HERC2: variants seen among roughly 807,000 people sequenced by gnomAD.
HERC2 encodes E3 ubiquitin-protein ligase HERC2.
Under a neutral mutation model 537.7 loss-of-function variants are expected in HERC2, and 102 were observed. The ratio of observed to expected loss-of-function variants is 0.19; its 90% confidence interval spans 0.16 to 0.22. The LOEUF (loss-of-function observed/expected upper bound fraction) is 0.22. Among genes scored for constraint, HERC2 ranks in the 10% least tolerant of loss-of-function variants. The pLI is 1.00. For synonymous variants in HERC2, 2,224 were observed against 2,466.2 expected (o/e 0.90, Z 2.91); for missense variants, 4,236 against 6,198.2 (o/e 0.68, Z 10.63).
chr15:28,143,857 C>T lies in HERC2; in HGVS notation c.11418+16G>A, dbSNP rs376644217. 21 of 1,613,852 alleles carry T rather than the reference C, an allele frequency of 1.3e-5. No individual in the cohort carries two copies. The highest frequency in any genetic ancestry group is 1.8e-5 in the Non-Finnish European group (21 of 1,179,972). On this transcript the variant is annotated intron_variant, in intron 74 of 92. Transcript: ENST00000261609. Reference sequence around the variant, plus strand: ...AAGGGTCACAAATCTAGAAATTGTACTAGAATGCTCCATACCAAAGCTCTT... The same window carrying T: ...AAGGGTCACAAATCTAGAAATTGTATTAGAATGCTCCATACCAAAGCTCTT...
At chr15:28,220,399 AC>A (rs1900396072) in intron 37 of HERC2, 52 bp downstream of exon 37, 2 of 1,519,494 alleles carry the variant, frequency 1.3e-6, no homozygotes, top group East Asian at 4.5e-5. Flanking sequence ...GGCAGCCAGC[AC>A]CTGGACAGTT....
intron 53 of HERC2, among the ~76,000 whole-genome samples, chr15:28,191,733 G>A (rs1896871130): frequency 6.6e-6 from 1 of 152,200 alleles, no homozygotes; most frequent in African/African-American, 2.4e-5. Context: ...CCTCTATCAA[G>A]TGGTCAGTTA....
chr15:28,253,704 G>C (rs1474188514), intron 20 of HERC2, among the ~76,000 whole-genome samples: 1 of 152,246 alleles, frequency 6.6e-6, no homozygotes, highest in Non-Finnish European at 1.5e-5. Flanking sequence ...GCTTACGCCT[G>C]AAATCCCAAC....
intron 2 of HERC2, chr15:28,312,619 C>A (rs533834668): frequency 1.3e-5 from 2 of 156,082 alleles, no homozygotes; most frequent in East Asian, 3.7e-4. Context: ...TGACAGAGAC[C>A]CTATTCATAA....
intron 66 of HERC2, among the ~76,000 whole-genome samples, chr15:28,168,996 G>C (rs1238399489): frequency 3.3e-5 from 5 of 152,180 alleles, no homozygotes; most frequent in Non-Finnish European, 5.9e-5. Context: ...CTGAATGACT[G>C]TTTTTGTTCT....
chr15:28,291,811 A>C (rs371837932), intron 4 of HERC2, among the ~76,000 whole-genome samples: 1 of 148,784 alleles, frequency 6.7e-6, no homozygotes, highest in African/African-American at 2.5e-5. Flanking sequence ...AGGCTGAGGC[A>C]GGAGAATGGC....
At chr15:28,274,841 G>T in intron 6 of HERC2, 64 bp downstream of exon 6, 1 of 1,306,280 alleles carries the variant, frequency 7.7e-7, no homozygotes. Flanking sequence ...GCTGAACCGA[G>T]TTCGAAACCC....
intron 10 of HERC2, among the ~76,000 whole-genome samples, chr15:28,270,123 A>T (rs1481668179): frequency 6.6e-6 from 1 of 152,040 alleles, no homozygotes; most frequent in Admixed American, 6.6e-5. Context: ...CACCATGCCC[A>T]GCTAATTTTT....
chr15:28,179,335 A>G, intron 57 of HERC2, 112 bp from the exon 58 acceptor site: 1 of 813,106 alleles, frequency 1.2e-6, no homozygotes, highest in Non-Finnish European at 2.0e-6. Context: ...GCACTGTGTA[A>G]CATTTCACTC....
chr15:28,227,035 G>T (rs1306616040), intron 35 of HERC2, among the ~76,000 whole-genome samples: 1 of 152,234 alleles, frequency 6.6e-6, no homozygotes, highest in Non-Finnish European at 1.5e-5. Flanking sequence ...AGTACTTTGG[G>T]AGGCCAAGGC....
At chr15:28,224,149 C>CACACA (rs1321759830) in intron 35 of HERC2, among the ~76,000 whole-genome samples, 3,861 of 132,998 alleles carry the variant, frequency 0.029, 110 homozygotes, top group Middle Eastern at 0.098. Flanking sequence ...ACACACACAC[C>CACACA]CACACACACA....
chr15:28,166,631 G>C (rs1894164552), intron 68 of HERC2, among the ~76,000 whole-genome samples: 1 of 152,216 alleles, frequency 6.6e-6, no homozygotes, highest in Admixed American at 6.5e-5. Flanking sequence ...AGTTGTGCCA[G>C]AAATGAAGGA....
rs1280493794 is a variant in HERC2 at position 28,144,111 on chromosome 15, G to A, written c.11265C>T (p.Ala3755=). 1.2e-6 allele frequency: 2 copies of A among 1,614,206 alleles called. No homozygotes were observed. Among genetic ancestry groups the A allele is most frequent in the East Asian group, 4.5e-5 (2 of 44,844 alleles). Residue 3755 remains alanine (A), a synonymous_variant, in exon 73 of 93, where the codon GCC becomes GCT. Coordinates refer to ENST00000261609, the MANE Select transcript of HERC2 (RefSeq NM_004667.6). The part of the protein sequence containing the change: ...SNRSIVPRLA[A]SLAACAQLSA... Reference sequence around the variant, plus strand: ...TCAGCTGTGCACAAGCTGCCAGCGAGGCCGCAAGGCGAGGGACGATGCTTC... The same window carrying A: ...TCAGCTGTGCACAAGCTGCCAGCGAAGCCGCAAGGCGAGGGACGATGCTTC...
intron 12 of HERC2, among the ~76,000 whole-genome samples, chr15:28,266,218 A>G (rs1313842525): frequency 6.6e-6 from 1 of 152,128 alleles, no homozygotes; most frequent in Admixed American, 6.6e-5. Context: ...AGTGTTTGTT[A>G]AAGAATTGTA....
chr15:28,131,996 G>C (rs1265234204), intron 81 of HERC2, 104 bp downstream of exon 81: 5 of 969,350 alleles, frequency 5.2e-6, no homozygotes, highest in Non-Finnish European at 7.5e-6. Flanking sequence ...GCACACACGG[G>C]GGACAGTAAT....
intron 5 of HERC2, among the ~76,000 whole-genome samples, chr15:28,279,773 A>G (rs765724390): frequency 1.3e-5 from 2 of 152,132 alleles, no homozygotes; most frequent in Non-Finnish European, 2.9e-5. Context: ...TGATTACACC[A>G]CTGCACCCCA....
At chr15:28,178,852 C>T (rs531311330) in intron 59 of HERC2, 35 bp downstream of exon 59, 11 of 1,588,004 alleles carry the variant, frequency 6.9e-6, no homozygotes, top group Middle Eastern at 1.7e-4. Flanking sequence ...GAGCAAAGGC[C>T]GCCCCGCACA....
chr15:28,145,953 G>A (rs919213662), intron 71 of HERC2, among the ~76,000 whole-genome samples: 1 of 152,116 alleles, frequency 6.6e-6, no homozygotes, highest in Non-Finnish European at 1.5e-5. Flanking sequence ...GACCTTACAC[G>A]AGCTCTGGCA....
rs761983382 is a variant in HERC2, at chr15:28,254,291, A to G, written c.3050+49T>C. The G allele has an allele frequency of 4.3e-6, 6 of 1,379,458 alleles. No homozygotes were observed. The Admixed American group carries it at 9.6e-5, about 22-fold the overall frequency. The allele number at this position is 1,379,458 out of a possible 1,614,324, so 85.5% of individuals were successfully genotyped here. The stretch of plus-strand genomic sequence containing the variant: ...AGAGCGAACTCTGTCACACACACAA[A>G]AAAAAGTAAATAAATAACATATAAT... On this transcript the variant is annotated intron_variant, in intron 20 of 92. Transcript: ENST00000261609.
Sources: allele counts gnomAD v4.1 joint callset (sites outside exome capture counted in the v4.1 genomes callset), GRCh38; gene constraint gnomAD v4.1.1; transcripts MANE v1.5; gene names NCBI Gene and HGNC (gene_info 2026-07-23, HGNC 2026-07-21).